The following PCDHGA11 variants were observed in gnomAD, a reference collection of about 807,000 sequenced individuals.
PCDHGA11 encodes protocadherin gamma subfamily A, 11, also known as protocadherin gamma-A11.
A neutral mutation model predicts 60.4 loss-of-function variants in PCDHGA11; 39 were observed. That is an observed-to-expected ratio of 0.65 (90% confidence interval 0.50 to 0.84). The LOEUF is 0.84. PCDHGA11 is among the 40% of genes least tolerant of loss of function. The pLI, the probability that PCDHGA11 is intolerant of heterozygous loss-of-function variation, is 0.00. For synonymous variants in PCDHGA11, 533 were observed against 510.3 expected, an observed-to-expected ratio of 1.04 and a Z score of -0.60; for missense variants, 1,165 against 1,197.7, an observed-to-expected ratio of 0.97 and a Z score of 0.40.
chr5:141,498,713 C>T (rs1216279302), intron 2 of PCDHGA11, among the ~76,000 whole-genome samples: 1 of 152,148 alleles, frequency 6.6e-6, no homozygotes, highest in East Asian at 1.9e-4. Flanking sequence ...GGGTGGATCA[C>T]CTGAGGTCAG....
rs754536860 is a variant in PCDHGA11, at chr5:141,432,221, A to G, written c.2433+8561A>G. The G allele has an allele frequency of 2.5e-6, 4 of 1,614,190 alleles. No homozygotes were observed. The South Asian group carries it at 4.4e-5, about 18-fold the overall frequency. ...CGACTGTGAAGAGAACGCCCAGATC[A>G]CTTATTCCCTGGCTGAGAACACCAT... On this transcript the variant is annotated intron_variant, in intron 1 of 3. Coordinates refer to ENST00000398587, the MANE Select transcript of PCDHGA11 (RefSeq NM_018914.3). The surrounding 1 kb of genome is among the most constrained non-coding windows in gnomAD (Gnocchi z 6.0).
chr5:141,481,733 C>A (rs2099543522), intron 1 of PCDHGA11, among the ~76,000 whole-genome samples: 1 of 152,078 alleles, frequency 6.6e-6, no homozygotes, highest in Admixed American at 6.6e-5. Context: ...GCGGGCGGAT[C>A]ACGAGGTCAG....
In PCDHGA11 at chr5:141,481,831, G is replaced by A. The variant is rs35816779; in HGVS notation, c.2434-12976G>A. On this transcript the variant is annotated intron_variant, in intron 1 of 3. Coordinates refer to ENST00000398587, the MANE Select transcript of PCDHGA11 (RefSeq NM_018914.3). ...ACCAGGCGTGGTGGCTGAGGCAGGAGAATCGCTTGATGGTGGAGGTTGCAG... is the reference window on the plus strand; with the variant it reads ...ACCAGGCGTGGTGGCTGAGGCAGGAAAATCGCTTGATGGTGGAGGTTGCAG... Among the ~76,000 whole-genome samples the A allele has an allele frequency of 1.9e-3, 280 of 149,560 alleles. 1 individual carries two copies. The highest frequency in any genetic ancestry group is 0.01 in the Middle Eastern group (3 of 290).
At position 141,491,456 on chromosome 5, in the gene PCDHGA11, C is replaced by G; in HGVS notation, c.2434-3351C>G. On this transcript the variant is annotated intron_variant, in intron 1 of 3. Transcript: ENST00000398587. The surrounding 1 kb of genome is among the most constrained non-coding windows in gnomAD (Gnocchi z 6.9). Reference sequence around the variant, plus strand: ...TGCAGGCGCCAGGACTCACCCTCCCCGGACTTCTATAAGCAGTCCAGCCCC... The same window carrying G: ...TGCAGGCGCCAGGACTCACCCTCCCGGGACTTCTATAAGCAGTCCAGCCCC... 1 of 1,614,104 alleles carries G rather than the reference C, an allele frequency of 6.2e-7. No homozygotes were observed. The highest frequency in any genetic ancestry group is 8.5e-7 in the Non-Finnish European group (1 of 1,180,010).
At chr5:141,424,894 T>C (rs868851823) in intron 1 of PCDHGA11, among the ~76,000 whole-genome samples, 44 of 152,320 alleles carry the variant, frequency 2.9e-4, no homozygotes, top group African/African-American at 9.9e-4. Flanking sequence ...TCTAGGGTTT[T>C]TGATCACAGG....
chr5:141,428,073 G>A (rs2097106496), intron 1 of PCDHGA11: 1 of 1,609,082 alleles, frequency 6.2e-7, no homozygotes, highest in Admixed American at 1.7e-5. Flanking sequence ...CGCAGATTCG[G>A]GACACAACGC....
chr5:141,450,251 C>T (rs2154563018), intron 1 of PCDHGA11, among the ~76,000 whole-genome samples: 1 of 152,200 alleles, frequency 6.6e-6, no homozygotes. Context: ...CTCCTGACCT[C>T]AAGTGATCTG....
rs1437409726 is a variant in PCDHGA11, at chr5:141,471,036, C to T, written c.2434-23771C>T. Among the ~76,000 whole-genome samples the T allele has an allele frequency of 2.8e-5, 4 of 144,908 alleles. No homozygotes were observed. The South Asian group carries it at 6.5e-4, about 24-fold the overall frequency. ...CTGGTCAATCATTTTTATTAACAAG[C>T]CCAAGCCCTCTTTTTTTTTTTTTTT... On this transcript the variant is annotated intron_variant, in intron 1 of 3. Transcript: ENST00000398587.
chr5:141,433,643 C>A (rs899772934), intron 1 of PCDHGA11, among the ~76,000 whole-genome samples: 13 of 152,070 alleles, frequency 8.5e-5, no homozygotes, highest in African/African-American at 2.7e-4. Context: ...TGAGACCAGC[C>A]TGACCAACAT....
Position 141,422,812 on chromosome 5 carries a change from T to C in PCDHGA11, c.1585T>C (p.Leu529=). The C allele has an allele frequency of 6.2e-7, 1 of 1,614,206 alleles. No homozygotes were observed. The highest frequency in any genetic ancestry group is 1.1e-5 in the South Asian group (1 of 91,086). Residue 529 remains leucine, a synonymous_variant, in exon 1 of 4, where the codon TTA becomes CTA. Transcript: ENST00000398587. ...CTTCGACTATGAGCAGTTTCGAGAC[T>C]TAGAACTGAGAGTGATAGCACGTGA... ...QSFDYEQFRD[L]ELRVIARDSG...
Position 141,421,675 on chromosome 5 carries a change from G to A in PCDHGA11, c.448G>A (p.Gly150Arg). ...EIKVSEHAIP[G>R]ARFALPNARD... ...AAAAGTCAGTGAGCACGCAATTCCTGGGGCGCGATTTGCTCTTCCTAATGC... is the reference window on the plus strand; with the variant it reads ...AAAAGTCAGTGAGCACGCAATTCCTAGGGCGCGATTTGCTCTTCCTAATGC... The change falls in exon 1 of 4, where the codon GGG becomes AGG. Residue 150 changes from glycine (G) to arginine (R), a missense_variant. Coordinates refer to ENST00000398587, the MANE Select transcript of PCDHGA11 (RefSeq NM_018914.3). 1.2e-6 allele frequency: 2 copies of A among 1,613,910 alleles called. No individual in the cohort carries two copies. The highest frequency in any genetic ancestry group is 1.7e-6 in the Non-Finnish European group (2 of 1,179,840).
chr5:141,427,743 T>A, intron 1 of PCDHGA11: 5 of 1,249,166 alleles, frequency 4.0e-6, no homozygotes, highest in Non-Finnish European at 5.8e-6. Context: ...CCAAGTCTCC[T>A]ACTCCATCGT....
At chr5:141,433,362 T>C (rs1285511534) in intron 1 of PCDHGA11, 6 of 299,814 alleles carry the variant, frequency 2.0e-5, no homozygotes, top group Non-Finnish European at 2.5e-5. Flanking sequence ...TGTCTGCCTA[T>C]CTATCTATCT....
rs2097549501 is a variant in PCDHGA11 at position 141,432,920 on chromosome 5, A to T, written c.2433+9260A>T. ...GGCGCTCAGGCTGCGGCGCTGGCAC[A>T]AGTCACGCCTGCTGCAGGCTTCAGG... On this transcript the variant is annotated intron_variant, in intron 1 of 3. Transcript: ENST00000398587. The surrounding 1 kb of genome is among the most constrained non-coding windows in gnomAD (Gnocchi z 6.0). 1 of 1,614,022 alleles carries T rather than the reference A, an allele frequency of 6.2e-7. No homozygotes were observed.
intron 1 of PCDHGA11, among the ~76,000 whole-genome samples, chr5:141,460,912 G>GTATA (rs34683754): frequency 4.0e-5 from 6 of 149,324 alleles, no homozygotes; most frequent in South Asian, 2.1e-4. Context: ...ATTCCATGGT[G>GTATA]TATATATATA....
chr5:141,431,265 G>A lies in PCDHGA11; in HGVS notation c.2433+7605G>A. 2 of 1,614,168 alleles carry A rather than the reference G, an allele frequency of 1.2e-6. No homozygotes were observed. On this transcript the variant is annotated intron_variant, in intron 1 of 3. Transcript: ENST00000398587. This position sits in a 1 kb window ranked among gnomAD's most constrained non-coding sequence, Gnocchi z 4.8. ...GATATCGGGAAGAACTCTCTGCAGA[G>A]CTACGAGCTCAGCCCGAACACTCAC...
In PCDHGA11 at chr5:141,486,336, G is replaced by A. The variant is rs534793835; in HGVS notation, c.2434-8471G>A. 3.8e-5 allele frequency: 61 copies of A among 1,613,992 alleles called. No individual in the cohort carries two copies. In the African/African-American group the frequency reaches 4.3e-4, roughly 11 times the overall value. On this transcript the variant is annotated intron_variant, in intron 1 of 3. Coordinates refer to ENST00000398587, the MANE Select transcript of PCDHGA11 (RefSeq NM_018914.3). The surrounding 1 kb of genome is among the most constrained non-coding windows in gnomAD (Gnocchi z 5.0). The stretch of plus-strand genomic sequence containing the variant: ...GGGTCAAACGGAGATGTGAGCCTCC[G>A]CATTCCTGACCACTTGCCATTTGCC...
Position 141,487,522 on chromosome 5 carries a change from T to G in PCDHGA11, c.2434-7285T>G, listed in dbSNP as rs764726787. Reference sequence around the variant, plus strand: ...TGGCTTCTGCACCCACTCGGAGTGATAGCTTCATGATGGTGAAGTCACCCA... The same window carrying G: ...TGGCTTCTGCACCCACTCGGAGTGAGAGCTTCATGATGGTGAAGTCACCCA... On this transcript the variant is annotated intron_variant, in intron 1 of 3. Transcript: ENST00000398587. This position sits in a 1 kb window ranked among gnomAD's most constrained non-coding sequence, Gnocchi z 5.0. The G allele has an allele frequency of 6.2e-7, 1 of 1,614,166 alleles. No individual in the cohort carries two copies. The highest frequency in any genetic ancestry group is 8.5e-7 in the Non-Finnish European group (1 of 1,180,022).
rs139153105 is a variant in PCDHGA11 at position 141,432,400 on chromosome 5, G to T, written c.2433+8740G>T. 3.1e-6 allele frequency: 5 copies of T among 1,614,122 alleles called. No homozygotes were observed. In the African/African-American group the frequency reaches 4.0e-5, roughly 13 times the overall value. ...ACCCGCCCCTCAGCAGCAACGTGTC[G>T]TTGAGCCTGTTCGTGCTGGACCAGA... On this transcript the variant is annotated intron_variant, in intron 1 of 3. Transcript: ENST00000398587. The surrounding 1 kb of genome is among the most constrained non-coding windows in gnomAD (Gnocchi z 6.0).
Sources: gnomAD v4.1 joint callset for allele counts (sites outside exome capture counted in the v4.1 genomes callset) on GRCh38, gnomAD v4.1.1 for gene constraint, Gnocchi (gnomAD v3.1) non-coding constraint, MANE v1.5 for transcripts, NCBI Gene and HGNC (gene_info 2026-07-23, HGNC 2026-07-21) for gene names.